CACNA1C: variants seen among roughly 807,000 people sequenced by gnomAD.
The protein encoded by CACNA1C is voltage-dependent L-type calcium channel subunit alpha-1C.
In CACNA1C, 30 loss-of-function variants were observed where a neutral mutation model predicts 229.0. The ratio of observed to expected loss-of-function variants is 0.13; its 90% CI spans 0.10 to 0.18. The LOEUF (loss-of-function observed/expected upper bound fraction) is 0.18. CACNA1C is among the 10% of genes least tolerant of loss of function. The pLI is 1.00. For missense variants in CACNA1C, 1,658 were observed against 2,845.0 expected (o/e 0.58, Z 9.49); for synonymous variants, 1,114 against 1,132.5 (o/e 0.98, Z 0.33).
chr12:2,170,802 C>A (rs574715796), intron 3 of CACNA1C, among the ~76,000 whole-genome samples: 1 of 152,224 alleles, frequency 6.6e-6, no homozygotes, highest in Non-Finnish European at 1.5e-5. Context: ...TACCACAATA[C>A]GCATTAGAGG....
chr12:2,534,856 C>T (rs767209564), intron 9 of CACNA1C, among the ~76,000 whole-genome samples: 2 of 152,146 alleles, frequency 1.3e-5, no homozygotes, highest in Non-Finnish European at 2.9e-5. Flanking sequence ...TAAATTAAAC[C>T]TTTCCATTTT....
intron 1 of CACNA1C, among the ~76,000 whole-genome samples, chr12:2,017,756 G>A (rs1403175823): frequency 6.6e-6 from 1 of 151,580 alleles, no homozygotes; most frequent in Non-Finnish European, 1.5e-5. Flanking sequence ...TGAGAGGACT[G>A]CATTCCATTT....
intron 3 of CACNA1C, among the ~76,000 whole-genome samples, chr12:2,349,126 C>T (rs1172590590): frequency 6.6e-6 from 1 of 152,214 alleles, no homozygotes; most frequent in Non-Finnish European, 1.5e-5. Flanking sequence ...ACCTGCTCTA[C>T]TGATGGCATT....
chr12:2,299,785 A>G (rs1056515602), intron 3 of CACNA1C, among the ~76,000 whole-genome samples: 2 of 152,114 alleles, frequency 1.3e-5, no homozygotes, highest in Non-Finnish European at 2.9e-5. Flanking sequence ...TGATGGCCCT[A>G]GGGTTCACTA....
rs1358595010 is a variant in CACNA1C at position 2,606,993 on chromosome 12, C to T, written c.3219C>T (p.Tyr1073=). ...TCTCCTCCTCTCTCAGGGGCAACTA[C>T]ATCACGTACAAAGACGGGGAGGTTG... ...KQTEAECKGN[Y]ITYKDGEVDH... The change falls in exon 26 of 47, where the codon TAC becomes TAT. Residue 1073 remains tyrosine (Y), a synonymous_variant. Coordinates refer to ENST00000399655, the MANE Select transcript of CACNA1C (RefSeq NM_000719.7). The T allele has an allele frequency of 6.2e-7, 1 of 1,613,986 alleles. No homozygotes were observed. Among genetic ancestry groups the T allele is most frequent in the Admixed American group, 1.7e-5 (1 of 60,028 alleles).
intron 3 of CACNA1C, among the ~76,000 whole-genome samples, chr12:2,398,941 G>A (rs1237095023): frequency 6.6e-6 from 1 of 152,176 alleles, no homozygotes; most frequent in Admixed American, 6.5e-5. Context: ...CCCCCTCAGT[G>A]CCCTGGCAAC....
intron 3 of CACNA1C, among the ~76,000 whole-genome samples, chr12:2,153,044 C>T (rs534554366): frequency 6.6e-6 from 1 of 152,296 alleles, no homozygotes; most frequent in South Asian, 2.1e-4. Flanking sequence ...CAGTGGTGGT[C>T]ACTATGGCAG....
chr12:2,078,829 C>T (rs922034653), intron 1 of CACNA1C, among the ~76,000 whole-genome samples: 11 of 152,026 alleles, frequency 7.2e-5, no homozygotes, highest in Middle Eastern at 3.2e-3. Context: ...CACATGCACA[C>T]GTATGTTTAT....
chr12:2,209,548 G>A (rs954250817), intron 3 of CACNA1C, among the ~76,000 whole-genome samples: 5 of 152,232 alleles, frequency 3.3e-5, no homozygotes, highest in South Asian at 2.1e-4. Context: ...GTCACACAGC[G>A]CCCTATTACC....
At chr12:2,139,216 G>T (rs774069874) in intron 3 of CACNA1C, among the ~76,000 whole-genome samples, 9 of 150,800 alleles carry the variant, frequency 6.0e-5, no homozygotes, top group Non-Finnish European at 1.3e-4. Flanking sequence ...GGCATCCCTT[G>T]GCTTCTAGGT....
Position 2,567,708 on chromosome 12 carries a change from C to T in CACNA1C, c.1809C>T (p.Thr603=). ...TCGTGTGTGGCGGCATCCTGGAGACCATCCTGGTGGAGACCAAGATCATGT... is the reference window on the plus strand; with the variant it reads ...TCGTGTGTGGCGGCATCCTGGAGACTATCCTGGTGGAGACCAAGATCATGT... ...CFVVCGGILE[T]ILVETKIMSP... The change falls in exon 13 of 47, where the codon ACC becomes ACT. Residue 603 remains threonine, a synonymous_variant. Coordinates refer to ENST00000399655, the MANE Select transcript of CACNA1C (RefSeq NM_000719.7). The T allele has an allele frequency of 6.2e-7, 1 of 1,613,578 alleles. No homozygotes were observed. The highest frequency in any genetic ancestry group is 8.5e-7 in the Non-Finnish European group (1 of 1,179,610).
intron 13 of CACNA1C, among the ~76,000 whole-genome samples, chr12:2,574,915 G>T (rs1354751285): frequency 6.6e-6 from 1 of 152,210 alleles, no homozygotes; most frequent in Non-Finnish European, 1.5e-5. Flanking sequence ...GAATGGACTG[G>T]TGTCACCTAC....
In CACNA1C at chr12:2,591,245, G is replaced by T. The variant is rs576429391; in HGVS notation, c.2531-1968G>T. Among the ~76,000 whole-genome samples, 6 of 151,922 alleles carry T rather than the reference G, an allele frequency of 3.9e-5. 1 individual carries two copies. The South Asian group carries it at 1.2e-3, about 32-fold the overall frequency. On this transcript the variant is annotated intron_variant, in intron 18 of 46. Coordinates refer to ENST00000399655, the MANE Select transcript of CACNA1C (RefSeq NM_000719.7). Reference sequence around the variant, plus strand: ...TTTTTTCTTTGCAGTACCTGGCTTTGTTTGAACCAGAAGAGGGAGAACATG... The same window carrying T: ...TTTTTTCTTTGCAGTACCTGGCTTTTTTTGAACCAGAAGAGGGAGAACATG...
chr12:2,609,246 G>T (rs2076574477), intron 27 of CACNA1C, among the ~76,000 whole-genome samples: 1 of 152,182 alleles, frequency 6.6e-6, no homozygotes, highest in South Asian at 2.1e-4. Flanking sequence ...TGAAGAGCTG[G>T]CAGTGCCGTG....
chr12:2,480,072 G>A (rs989857749), intron 5 of CACNA1C, among the ~76,000 whole-genome samples: 2 of 152,178 alleles, frequency 1.3e-5, no homozygotes, highest in Non-Finnish European at 2.9e-5. Context: ...TGTGCTTCCT[G>A]AATTTGTTTT....
chr12:2,254,870 C>T (rs1222656994), intron 3 of CACNA1C, among the ~76,000 whole-genome samples: 1 of 152,236 alleles, frequency 6.6e-6, no homozygotes, highest in Non-Finnish European at 1.5e-5. Context: ...ATCCCCCCGT[C>T]CTCTCTTCAC....
intron 3 of CACNA1C, among the ~76,000 whole-genome samples, chr12:2,399,377 C>T (rs1162177089): frequency 6.6e-6 from 1 of 152,140 alleles, no homozygotes; most frequent in Non-Finnish European, 1.5e-5. Flanking sequence ...AGAATCAGGT[C>T]ACACAGATGT....
intron 1 of CACNA1C, among the ~76,000 whole-genome samples, chr12:2,066,462 A>T (rs2154520851): frequency 6.6e-6 from 1 of 152,164 alleles, no homozygotes; most frequent in South Asian, 2.1e-4. Context: ...CATTTCCAGG[A>T]GGCCGTCATT....
chr12:2,632,088 G>A lies in CACNA1C; in HGVS notation c.3829-2209G>A, dbSNP rs371089669. Reference sequence around the variant, plus strand: ...GCTTCATGCTTTCATACCCCACTCCGACCTCAGAATTCCACCTCCTGGAAG... The same window carrying A: ...GCTTCATGCTTTCATACCCCACTCCAACCTCAGAATTCCACCTCCTGGAAG... On this transcript the variant is annotated intron_variant, in intron 29 of 46. Coordinates refer to ENST00000399655, the MANE Select transcript of CACNA1C (RefSeq NM_000719.7). This position sits in a 1 kb window ranked among gnomAD's most constrained non-coding sequence, Gnocchi z 4.1. Among the ~76,000 whole-genome samples the A allele has an allele frequency of 2.0e-5, 3 of 152,018 alleles. No individual in the cohort carries two copies. The highest frequency in any genetic ancestry group is 1.3e-4 in the Admixed American group (2 of 15,264).
Sources: allele counts gnomAD v4.1 joint callset (sites outside exome capture counted in the v4.1 genomes callset), GRCh38; gene constraint gnomAD v4.1.1; non-coding constraint Gnocchi (gnomAD v3.1); transcripts MANE v1.5; gene names NCBI Gene and HGNC (gene_info 2026-07-23, HGNC 2026-07-21).